TMEM260: variants seen among roughly 807,000 people sequenced by gnomAD.
The protein encoded by TMEM260 is transmembrane protein 260.
A neutral mutation model predicts 88.9 loss-of-function variants in TMEM260; 82 were observed. That is an observed-to-expected ratio of 0.92 (90% CI 0.77 to 1.11). The LOEUF is 1.11. TMEM260 is among the 50% of genes least tolerant of loss of function. The pLI is 0.00. For missense variants in TMEM260, 902 were observed against 853.4 expected, an observed-to-expected ratio of 1.06 and a Z score of -0.71; for synonymous variants, 314 against 309.3, an observed-to-expected ratio of 1.02 and a Z score of -0.16.
chr14:56,630,493 A>T (rs1888521461), intron 12 of TMEM260, among the ~76,000 whole-genome samples: 1 of 151,692 alleles, frequency 6.6e-6, no homozygotes, highest in African/African-American at 2.4e-5. Flanking sequence ...TATGTCTTCA[A>T]ATTCCCTGAC....
At chr14:56,658,569 C>T in the TMEM260 span, among the ~76,000 whole-genome samples, 1 of 151,682 alleles carries the variant, frequency 6.6e-6, no homozygotes, top group Non-Finnish European at 1.5e-5. Flanking sequence ...TTCACAAATC[C>T]AAATTGAGAG....
At chr14:56,590,255 A>G (rs1885768221) in intron 3 of TMEM260, among the ~76,000 whole-genome samples, 1 of 152,204 alleles carries the variant, frequency 6.6e-6, no homozygotes, top group Non-Finnish European at 1.5e-5. Context: ...TTCATTTTGA[A>G]GGGAAAAAAA....
At chr14:56,640,791 GAAGTCCTTA>G (rs1366412001) in intron 15 of TMEM260, among the ~76,000 whole-genome samples, 7 of 152,046 alleles carry the variant, frequency 4.6e-5, no homozygotes, top group Non-Finnish European at 8.8e-5. Flanking sequence ...CCAATGCAGA[GAAGTCCTTA>G]AAGGACCTGA....
chr14:56,633,043 GA>G lies in TMEM260; in HGVS notation c.1601del (p.Lys534ArgfsTer14), dbSNP rs1367949978. 6.2e-7 allele frequency: 1 copy of G among 1,613,696 alleles called. No homozygotes were observed. The highest frequency in any genetic ancestry group is 8.5e-7 in the Non-Finnish European group (1 of 1,179,944). ...IGIHEGDPTW[K>X]KNYSLWPWGS... is the part of the protein sequence containing the mutation. ...GAATTCATGAAGGCGACCCAACCTG[GA>G]AAAAGAACTATTCACTTTGGCCATG... On this transcript the variant is annotated frameshift_variant, in exon 13 of 16. Coordinates refer to ENST00000261556, the MANE Select transcript of TMEM260 (RefSeq NM_017799.4). LOFTEE classifies it high-confidence loss of function.
chr14:56,611,738 C>T (rs530860309), intron 6 of TMEM260, among the ~76,000 whole-genome samples: 2 of 152,224 alleles, frequency 1.3e-5, no homozygotes, highest in South Asian at 4.2e-4. Flanking sequence ...TACATACACA[C>T]GTATGTTCAT....
chr14:56,615,320 T>A (rs979059341), intron 7 of TMEM260: 1 of 152,174 alleles, frequency 6.6e-6, no homozygotes, highest in African/African-American at 2.4e-5. Flanking sequence ...AGAACTCAAA[T>A]TTTAACACCT....
intron 14 of TMEM260, 47 bp from the exon 15 acceptor site, chr14:56,636,461 G>A (rs772615803): frequency 6.8e-7 from 1 of 1,462,264 alleles, no homozygotes; most frequent in South Asian, 1.1e-5. Context: ...CCCTGAATGT[G>A]CAATTGACTG....
chr14:56,587,521 G>A (rs895095529), intron 3 of TMEM260, among the ~76,000 whole-genome samples: 2 of 151,826 alleles, frequency 1.3e-5, no homozygotes, highest in African/African-American at 4.8e-5. Context: ...GTTTAGATTA[G>A]CACACTAGCC....
In TMEM260 at chr14:56,618,635, C is replaced by T. The variant is rs753367404; in HGVS notation, c.1098C>T (p.Val366=). 3.1e-6 allele frequency: 5 copies of T among 1,614,180 alleles called. No homozygotes were observed. The highest frequency in any genetic ancestry group is 3.4e-6 in the Non-Finnish European group (4 of 1,180,040). Reference sequence around the variant, plus strand: ...TGCAGAGCAATGCAGTAGTGGCCGTCCTCGCTGGCATTGGTTTGGCTGCAG... The same window carrying T: ...TGCAGAGCAATGCAGTAGTGGCCGTTCTCGCTGGCATTGGTTTGGCTGCAG... ...FWMQSNAVVA[V]LAGIGLAAVV... is the part of the protein sequence containing the mutation. The change falls in exon 10 of 16, where the codon GTC becomes GTT. Residue 366 remains valine, a synonymous_variant. Transcript: ENST00000261556.
intron 1 of TMEM260, among the ~76,000 whole-genome samples, chr14:56,584,382 T>C (rs73275400): frequency 1.5e-3 from 226 of 152,266 alleles, no homozygotes; most frequent in African/African-American, 5.2e-3. Context: ...ATCATAATTT[T>C]AGAAATAGTC....
chr14:56,620,201 A>C (rs1344391455), intron 10 of TMEM260, among the ~76,000 whole-genome samples: 4 of 152,186 alleles, frequency 2.6e-5, no homozygotes, highest in Non-Finnish European at 5.9e-5. Flanking sequence ...CAGGCTTAAT[A>C]CCTGGGTGAC....
chr14:56,618,660 G>A lies in TMEM260; in HGVS notation c.1123G>A (p.Val375Ile). ...AVLAGIGLAA[V>I]VSETNRVLNS... ...CCTCGCTGGCATTGGTTTGGCTGCA[G>A]TTGTGTCTGAGACTAACCGAGTGCT... is the stretch of plus-strand genomic sequence containing the variant. Residue 375 changes from valine to isoleucine, a missense_variant, in exon 10 of 16, where the codon GTT becomes ATT. Coordinates refer to ENST00000261556, the MANE Select transcript of TMEM260 (RefSeq NM_017799.4). 6.2e-7 allele frequency: 1 copy of A among 1,614,224 alleles called. No individual in the cohort carries two copies. The highest frequency in any genetic ancestry group is 8.5e-7 in the Non-Finnish European group (1 of 1,180,040).
At chr14:56,642,991 T>A (rs976213368) in intron 15 of TMEM260, among the ~76,000 whole-genome samples, 1 of 152,120 alleles carries the variant, frequency 6.6e-6, no homozygotes, top group Non-Finnish European at 1.5e-5. Flanking sequence ...AACAGACCAA[T>A]AACAGGCTCT....
At position 56,648,403 on chromosome 14, in the gene TMEM260, T is replaced by A. The variant is rs535632723; in HGVS notation, c.*906T>A. On this transcript the variant is annotated 3_prime_UTR_variant, in exon 16 of 16. Coordinates refer to ENST00000261556, the MANE Select transcript of TMEM260 (RefSeq NM_017799.4). ...TTATGACAGTTAATTAATAGCAACC[T>A]GTTTTAATGAATAAAGTCACTCAGA... 1 of 152,784 alleles carries A rather than the reference T, an allele frequency of 6.5e-6. No homozygotes were observed. The highest frequency in any genetic ancestry group is 2.4e-5 in the African/African-American group (1 of 41,586). 9.5% of individuals were successfully genotyped at this position (152,784 alleles called of 1,614,324 possible).
intron 1 of TMEM260, among the ~76,000 whole-genome samples, chr14:56,583,502 G>C (rs536770608): frequency 6.6e-5 from 10 of 152,130 alleles, no homozygotes; most frequent in Admixed American, 1.3e-4. Context: ...GGCCAGAGGG[G>C]AGAGGTGGTG....
At chr14:56,616,157 A>G (rs536496574) in intron 8 of TMEM260, 130 bp downstream of exon 8, 32 of 635,638 alleles carry the variant, frequency 5.0e-5, no homozygotes, top group African/African-American at 1.1e-4. Flanking sequence ...CTAGCTGTCT[A>G]TTAAGATAAA....
downstream of TMEM260, chr14:56,649,544 A>C (rs1306917272): frequency 1.3e-5 from 2 of 152,162 alleles, no homozygotes; most frequent in Non-Finnish European, 2.9e-5. Flanking sequence ...CAGAAAAGAG[A>C]TTGCACATAT....
At chr14:56,614,237 A>G (rs527383452) in intron 7 of TMEM260, among the ~76,000 whole-genome samples, 56 of 137,266 alleles carry the variant, frequency 4.1e-4, no homozygotes, top group African/African-American at 1.3e-3. Context: ...AAAAAAAAAA[A>G]GGCATGGTGG....
chr14:56,581,832 G>C (rs1360951887), intron 1 of TMEM260, among the ~76,000 whole-genome samples: 2 of 152,126 alleles, frequency 1.3e-5, no homozygotes, highest in Non-Finnish European at 2.9e-5. Context: ...TCTACTTTTC[G>C]TCAAAACATT....
Sources: allele counts gnomAD v4.1 joint callset (sites outside exome capture counted in the v4.1 genomes callset), GRCh38; gene constraint gnomAD v4.1.1; transcripts MANE v1.5; gene names NCBI Gene and HGNC (gene_info 2026-07-23, HGNC 2026-07-21).